MIIP: variants seen among roughly 807,000 people sequenced by gnomAD.
MIIP encodes migration and invasion-inhibitory protein.
In MIIP, 44 loss-of-function variants were observed where a neutral mutation model predicts 44.8. That is an observed-to-expected ratio of 0.98 (90% CI 0.77 to 1.26). The LOEUF is 1.26. MIIP is among the 50% of genes most tolerant of loss of function. The pLI is 0.00. For synonymous variants in MIIP, 225 were observed against 218.3 expected (o/e 1.03, Z -0.27); for missense variants, 496 against 511.7 (o/e 0.97, Z 0.30).
intron 4 of MIIP, among the ~76,000 whole-genome samples, chr1:12,028,484 G>A (rs992365758): frequency 2.0e-5 from 3 of 151,860 alleles, no homozygotes; most frequent in Non-Finnish European, 2.9e-5. Flanking sequence ...TGCCCACCCC[G>A]GGGCCTTTGC....
At chr1:12,022,958 T>A (rs1404667305) in intron 4 of MIIP, 41 bp downstream of exon 4, 1 of 1,524,376 alleles carries the variant, frequency 6.6e-7, no homozygotes, top group Admixed American at 1.9e-5. Context: ...TGCCTGGGAG[T>A]GGGAGGTGGA....
intron 1 of MIIP, among the ~76,000 whole-genome samples, chr1:12,020,504 G>A (rs932865347): frequency 1.3e-4 from 20 of 152,196 alleles, no homozygotes; most frequent in African/African-American, 3.9e-4. Context: ...TGAGTGCTTT[G>A]TTTTTTGTAT....
rs1332471933 is a variant in MIIP at position 12,022,907 on chromosome 1, C to A, written c.537C>A (p.Asp179Glu). 1.9e-6 allele frequency: 3 copies of A among 1,609,724 alleles called. No homozygotes were observed. The African/African-American group carries it at 4.0e-5, about 22-fold the overall frequency. Residue 179 changes from aspartate to glutamate, a missense_variant, in exon 4 of 10, where the codon GAC (aspartate) becomes GAA (glutamate). Transcript: ENST00000235332. ...GCCTCAGGCCATACCTGGGCTATGACTGGATTGCAGGTAAGGCGTGCTGTT... is the reference window on the plus strand; with the variant it reads ...GCCTCAGGCCATACCTGGGCTATGAATGGATTGCAGGTAAGGCGTGCTGTT... ...SWRLRPYLGY[D>E]WIAGSLDTSS...
Position 12,029,843 on chromosome 1 carries a change from C to T in MIIP, c.794C>T (p.Thr265Ile). The change falls in exon 7 of 10, where the codon ACA (threonine) becomes ATA (isoleucine). Residue 265 changes from threonine (T) to isoleucine (I), a missense_variant. Transcript: ENST00000235332. ...DPGTPCRLCRTPRDQQGPGTL... is the reference protein window; with the variant it reads ...DPGTPCRLCRIPRDQQGPGTL... Reference sequence around the variant, plus strand: ...GGTACCCCCTGCCGCCTGTGCAGGACACCGCGAGACCAGCAGGGCCCTGGG... The same window carrying T: ...GGTACCCCCTGCCGCCTGTGCAGGATACCGCGAGACCAGCAGGGCCCTGGG... 1 of 1,613,350 alleles carries T rather than the reference C, an allele frequency of 6.2e-7. No homozygotes were observed. The highest frequency in any genetic ancestry group is 8.5e-7 in the Non-Finnish European group (1 of 1,179,690).
chr1:12,022,405 C>T lies in MIIP; in HGVS notation c.425C>T (p.Pro142Leu), dbSNP rs753606399. 1.1e-5 allele frequency: 17 copies of T among 1,599,026 alleles called. No homozygotes were observed. The highest frequency in any genetic ancestry group is 3.5e-5 in the Admixed American group (2 of 56,598). Residue 142 changes from proline (P) to leucine (L), a missense_variant, in exon 3 of 10, where the codon CCG becomes CTG. By Grantham distance (98) the Pro-to-Leu change is moderately conservative. Coordinates refer to ENST00000235332, the MANE Select transcript of MIIP (RefSeq NM_021933.4). ...CCAGGACCCCAGGAGGCACAGACCCCGAGGTCCATCCTGGCTCAACAGAGC... is the reference window on the plus strand; with the variant it reads ...CCAGGACCCCAGGAGGCACAGACCCTGAGGTCCATCCTGGCTCAACAGAGC... ...GDPGPQEAQT[P>L]RSILAQQSKL...
chr1:12,022,936 C>T lies in MIIP; in HGVS notation c.547+19C>T, dbSNP rs753946183. ...ATTGCAGGTAAGGCGTGCTGTTGCC[C>T]TGCACACACTTTGCCTGGGAGTGGG... On this transcript the variant is annotated intron_variant, in intron 4 of 9. Transcript: ENST00000235332. 3.1e-6 allele frequency: 5 copies of T among 1,590,802 alleles called. No homozygotes were observed. The highest frequency in any genetic ancestry group is 4.3e-6 in the Non-Finnish European group (5 of 1,166,326).
intron 9 of MIIP, 87 bp downstream of exon 9, chr1:12,031,490 G>T (rs541318848): frequency 2.6e-6 from 4 of 1,566,308 alleles, no homozygotes; most frequent in Admixed American, 3.7e-5. Context: ...GAGCCTCCTG[G>T]GGGGTAGGAT....
At chr1:12,025,028 CT>C (rs147513513) in intron 4 of MIIP, among the ~76,000 whole-genome samples, 10 of 123,884 alleles carry the variant, frequency 8.1e-5, no homozygotes, top group East Asian at 2.3e-4. Flanking sequence ...AATTCCCTTC[CT>C]TTTTTTTTTT....
At chr1:12,030,598 T>C (rs369520705) in intron 8 of MIIP, among the ~76,000 whole-genome samples, 16 of 146,842 alleles carry the variant, frequency 1.1e-4, no homozygotes, top group African/African-American at 3.5e-4. Context: ...GTTTTGTTCT[T>C]ACTGCCCAGG....
Position 12,032,041 on chromosome 1 carries a change from C to T in MIIP, c.*233C>T. The T allele has an allele frequency of 3.5e-6, 2 of 578,182 alleles. No homozygotes were observed. The highest frequency in any genetic ancestry group is 6.2e-6 in the Non-Finnish European group (2 of 324,730). 35.8% of individuals were successfully genotyped at this position (578,182 alleles called of 1,614,324 possible). On this transcript the variant is annotated 3_prime_UTR_variant, in exon 10 of 10. Coordinates refer to ENST00000235332, the MANE Select transcript of MIIP (RefSeq NM_021933.4). ...GTAAATAAAGCTCAGTGCTCTGCAG[C>T]TCAAGTCCCACGTGTGCTGGTTCCA... is the stretch of plus-strand genomic sequence containing the variant.
At chr1:12,030,317 C>T (rs534368882) in intron 8 of MIIP, among the ~76,000 whole-genome samples, 193 bp downstream of exon 8, 13 of 152,282 alleles carry the variant, frequency 8.5e-5, no homozygotes, top group Non-Finnish European at 1.3e-4. Flanking sequence ...CCACGTACCC[C>T]GGTGCTTCCA....
rs764425707 is a variant in MIIP at position 12,029,142 on chromosome 1, G to C, written c.656+1G>C. Reference sequence around the variant, plus strand: ...AGGAGTGTATCTGCAGCCATCCTGAGTGAGCAGGGGCGGGCGAGGGTGGGC... The same window carrying C: ...AGGAGTGTATCTGCAGCCATCCTGACTGAGCAGGGGCGGGCGAGGGTGGGC... On this transcript the variant is annotated splice_donor_variant, in intron 5 of 9. Transcript: ENST00000235332. LOFTEE classifies it high-confidence loss of function. The C allele has an allele frequency of 6.8e-6, 11 of 1,613,714 alleles. No homozygotes were observed. The highest frequency in any genetic ancestry group is 6.7e-5 in the Admixed American group (4 of 60,008).
In MIIP at chr1:12,022,297, T is replaced by A; in HGVS notation, c.317T>A (p.Leu106Gln). 1 of 1,613,718 alleles carries A rather than the reference T, an allele frequency of 6.2e-7. No individual in the cohort carries two copies. The highest frequency in any genetic ancestry group is 2.2e-5 in the East Asian group (1 of 44,854). The stretch of plus-strand genomic sequence containing the variant: ...GCCAAATGCCAGCACCAGGAGTCCC[T>A]GGGCCGACCGAGACCCCACTCAGCA... ...PPAKCQHQES[L>Q]GRPRPHSAPS... Residue 106 changes from leucine (L) to glutamine (Q), a missense_variant, in exon 3 of 10, where the codon CTG becomes CAG. Transcript: ENST00000235332.
chr1:12,024,852 C>T (rs1012094459), intron 4 of MIIP, among the ~76,000 whole-genome samples: 1 of 152,144 alleles, frequency 6.6e-6, no homozygotes, highest in Non-Finnish European at 1.5e-5. Flanking sequence ...TCCCATTCCC[C>T]CTCCCTCCAG....
At chr1:12,022,490 G>T (rs969768672) in intron 3 of MIIP, 48 bp downstream of exon 3, 4 of 1,414,374 alleles carry the variant, frequency 2.8e-6, no homozygotes, top group Admixed American at 5.5e-5. Flanking sequence ...GCTTCCTTGG[G>T]CCTCAGTTTC....
Position 12,030,136 on chromosome 1 carries a change from C to A in MIIP, c.942+12C>A, listed in dbSNP as rs202166341. On this transcript the variant is annotated intron_variant, in intron 8 of 9. Coordinates refer to ENST00000235332, the MANE Select transcript of MIIP (RefSeq NM_021933.4). ...TGGCCCTGCCCCGGGTGAGCAGCCACGTGGGGCTGGATGGTGATGAGGGCG... is the reference window on the plus strand; with the variant it reads ...TGGCCCTGCCCCGGGTGAGCAGCCAAGTGGGGCTGGATGGTGATGAGGGCG... 2.0e-5 allele frequency: 32 copies of A among 1,611,230 alleles called. No homozygotes were observed. The African/African-American group carries it at 3.7e-4, about 19-fold the overall frequency.
chr1:12,029,659 G>T (rs1640186166), intron 6 of MIIP, 106 bp from the exon 7 acceptor site: 1 of 1,478,308 alleles, frequency 6.8e-7, no homozygotes, highest in African/African-American at 1.4e-5. Context: ...GGGCTTCCCA[G>T]AGGGATTGGC....
At chr1:12,020,138 C>T (rs1461701925) in intron 1 of MIIP, among the ~76,000 whole-genome samples, 2 of 152,244 alleles carry the variant, frequency 1.3e-5, no homozygotes, top group Non-Finnish European at 2.9e-5. Context: ...TTTCCAAGAA[C>T]CCTGAACTCA....
At position 12,031,909 on chromosome 1, in the gene MIIP, C is replaced by A; in HGVS notation, c.*101C>A. 1 of 1,230,356 alleles carries A rather than the reference C, an allele frequency of 8.1e-7. No homozygotes were observed. The highest frequency in any genetic ancestry group is 1.2e-6 in the Non-Finnish European group (1 of 864,896). The allele number at this position is 1,230,356 out of a possible 1,614,324, so 76.2% of individuals were successfully genotyped here. A position where few individuals can be genotyped will look rare whatever the true frequency, so the allele number is the denominator to read the frequency against. On this transcript the variant is annotated 3_prime_UTR_variant, in exon 10 of 10. Transcript: ENST00000235332. The stretch of plus-strand genomic sequence containing the variant: ...GAATCCCCTGCCCGCCCAGCTCAGG[C>A]CCAGCTGTCCTAGGTTGGGCAGGTG...
Sources: gnomAD v4.1 joint callset for allele counts (sites outside exome capture counted in the v4.1 genomes callset) on GRCh38, gnomAD v4.1.1 for gene constraint, MANE v1.5 for transcripts, NCBI Gene and HGNC (gene_info 2026-07-23, HGNC 2026-07-21) for gene names.